The following KLF13 variants were observed in gnomAD, a reference collection of about 807,000 sequenced individuals.
KLF13 encodes the protein Krueppel-like factor 13.
KLF13 carries 8 observed loss-of-function variants against 16.7 expected under a neutral mutation model. That is an observed-to-expected ratio of 0.48 (90% confidence interval 0.28 to 0.87). The LOEUF (loss-of-function observed/expected upper bound fraction) is 0.87. KLF13 is among the 40% of genes least tolerant of loss of function. The pLI is 0.10. For missense variants in KLF13, 447 were observed against 452.2 expected, an observed-to-expected ratio of 0.99 and a Z score of 0.10; for synonymous variants, 245 against 208.4, an observed-to-expected ratio of 1.18 and a Z score of -1.51.
At chr15:31,417,933 A>C (rs2040274186) in intron 1 of KLF13, among the ~76,000 whole-genome samples, 1 of 152,206 alleles carries the variant, frequency 6.6e-6, no homozygotes, top group African/African-American at 2.4e-5. Flanking sequence ...AAGTGTATTA[A>C]AAACCTAACA....
chr15:31,423,306 A>G (rs1272348290), intron 1 of KLF13, among the ~76,000 whole-genome samples: 1 of 150,706 alleles, frequency 6.6e-6, no homozygotes, highest in Non-Finnish European at 1.5e-5. Flanking sequence ...TCAATAATGC[A>G]TAGAATAACC....
At chr15:31,386,924 T>C (rs1032636832) in intron 1 of KLF13, among the ~76,000 whole-genome samples, 2 of 152,226 alleles carry the variant, frequency 1.3e-5, no homozygotes, top group African/African-American at 4.8e-5. Flanking sequence ...TTACTGAATA[T>C]TTTTAAGCCC....
downstream of KLF13, among the ~76,000 whole-genome samples, chr15:31,379,899 C>T (rs1287809629): frequency 6.6e-6 from 1 of 152,156 alleles, no homozygotes; most frequent in African/African-American, 2.4e-5. Context: ...CTGTGTCTGG[C>T]TGCATAGTGA....
intron 1 of KLF13, among the ~76,000 whole-genome samples, chr15:31,329,973 C>T (rs2038798474): frequency 6.6e-6 from 1 of 152,132 alleles, no homozygotes; most frequent in African/African-American, 2.4e-5. Context: ...CCAGGTGACC[C>T]ATTATGAGAG....
chr15:31,417,130 A>G (rs946942757), intron 1 of KLF13, among the ~76,000 whole-genome samples: 1 of 152,224 alleles, frequency 6.6e-6, no homozygotes, highest in Non-Finnish European at 1.5e-5. Context: ...AAAGGCAATC[A>G]CAAGATGCTG....
At chr15:31,422,951 C>A (rs1294125287) in intron 1 of KLF13, among the ~76,000 whole-genome samples, 3 of 150,906 alleles carry the variant, frequency 2.0e-5, no homozygotes, top group African/African-American at 7.3e-5. Context: ...GCAGGAGAAT[C>A]ACTTGAACCT....
At chr15:31,407,320 AG>A (rs1490947765), downstream of KLF13, among the ~76,000 whole-genome samples, 1 of 152,176 alleles carries the variant, frequency 6.6e-6, no homozygotes, top group Non-Finnish European at 1.5e-5. Flanking sequence ...TCTATAAAAA[AG>A]AAGTAAAAAG....
At chr15:31,428,844 C>T (rs1332668272) in intron 1 of KLF13, among the ~76,000 whole-genome samples, 2 of 80,376 alleles carry the variant, frequency 2.5e-5, no homozygotes, top group Admixed American at 1.1e-4. Context: ...AAAAGAAATG[C>T]CACAGACCAA....
intron 1 of KLF13, among the ~76,000 whole-genome samples, chr15:31,366,729 C>CTCACTGTGTGCCCCCCTGTG (rs2039477648): frequency 2.7e-5 from 4 of 150,170 alleles, no homozygotes; most frequent in Non-Finnish European, 4.5e-5. Context: ...TGGCCCCTCA[C>CTCACTGTGTGCCCCCCTGTG]CTCACTGTGT....
At chr15:31,434,919 G>A (rs1223937007) in intron 1 of KLF13, among the ~76,000 whole-genome samples, 1 of 152,240 alleles carries the variant, frequency 6.6e-6, no homozygotes, top group Non-Finnish European at 1.5e-5. Context: ...CTAGACTGCA[G>A]ACACAAGTGC....
At chr15:31,332,704 G>T (rs2038854282) in intron 1 of KLF13, among the ~76,000 whole-genome samples, 1 of 152,228 alleles carries the variant, frequency 6.6e-6, no homozygotes, top group South Asian at 2.1e-4. Flanking sequence ...CTTAGATCCT[G>T]TGTGCTCCCA....
intron 1 of KLF13, among the ~76,000 whole-genome samples, chr15:31,344,786 TTGC>T (rs2039085073): frequency 6.6e-6 from 1 of 152,186 alleles, no homozygotes; most frequent in Admixed American, 6.5e-5. Flanking sequence ...GCTGGGAGGA[TTGC>T]TGGGTGGGGC....
chr15:31,405,664 T>C (rs2040118762), downstream of KLF13, among the ~76,000 whole-genome samples: 1 of 152,180 alleles, frequency 6.6e-6, no homozygotes. Flanking sequence ...GGGTACCCTC[T>C]GGTGAGGGCT....
Position 31,327,466 on chromosome 15 carries a change from AG to A in KLF13, c.257del (p.Gly86AlafsTer103). On this transcript the variant is annotated frameshift_variant, in exon 1 of 2. Transcript: ENST00000307145. LOFTEE classifies it high-confidence loss of function. ...GCGCCCGCCCCGGCGGAGCGCAGGG[AG>A]GGCGCCGCGGCCCGGAAGGCGAGGA... is the stretch of plus-strand genomic sequence containing the variant. Reference protein sequence around the residue: ...APAPAPAERREGAAARKARTP... With the variant: ...APAPAPAERRXGAAARKARTP... 9.1e-7 allele frequency: 1 copy of A among 1,097,408 alleles called. No homozygotes were observed. Among genetic ancestry groups the A allele is most frequent in the Non-Finnish European group, 1.1e-6 (1 of 902,578 alleles). 68.0% of individuals were successfully genotyped at this position (1,097,408 alleles called of 1,614,324 possible).
rs1305478458 is a variant in KLF13 at position 31,327,339 on chromosome 15, AC to A, written c.132del (p.Thr45ArgfsTer24). ...GCCCGAGGGCGCGGCCGTGGCCGCC[AC>A]CCCCACGCTGCCCCGCGTCGAGGAG... ...SRPEGAAVAA[T>X]PTLPRVEERR... On this transcript the variant is annotated frameshift_variant, in exon 1 of 2. Coordinates refer to ENST00000307145, the MANE Select transcript of KLF13 (RefSeq NM_015995.4). LOFTEE classifies it high-confidence loss of function. 7.8e-7 allele frequency: 1 copy of A among 1,274,268 alleles called. No individual in the cohort carries two copies. Among genetic ancestry groups the A allele is most frequent in the South Asian group, 2.4e-5 (1 of 41,602 alleles). The allele number at this position is 1,274,268 out of a possible 1,614,324, so 78.9% of individuals were successfully genotyped here. A position where few individuals can be genotyped will look rare whatever the true frequency, so the allele number is the denominator to read the frequency against.
intron 1 of KLF13, among the ~76,000 whole-genome samples, chr15:31,336,019 T>A (rs1214422190): frequency 6.6e-6 from 1 of 152,098 alleles, no homozygotes; most frequent in Non-Finnish European, 1.5e-5. Context: ...ACAGGCCAGG[T>A]GGGAGGAAGC....
chr15:31,429,501 AGATG>A (rs561243020), intron 1 of KLF13, among the ~76,000 whole-genome samples: 5 of 152,268 alleles, frequency 3.3e-5, no homozygotes, highest in African/African-American at 9.6e-5. Context: ...AGTGTTGTGG[AGATG>A]GATAGTGGTA....
chr15:31,342,525 C>T (rs749288920), intron 1 of KLF13, among the ~76,000 whole-genome samples: 23 of 152,292 alleles, frequency 1.5e-4, no homozygotes, highest in Admixed American at 2.0e-4. Context: ...TCAAGTGGGG[C>T]GAGCTCATCG....
At chr15:31,361,549 C>G (rs1028689530) in intron 1 of KLF13, among the ~76,000 whole-genome samples, 1 of 152,028 alleles carries the variant, frequency 6.6e-6, no homozygotes, top group African/African-American at 2.4e-5. Context: ...AAGGTCCCCC[C>G]CAGGAGACAC....
Sources: allele counts gnomAD v4.1 joint callset (sites outside exome capture counted in the v4.1 genomes callset), GRCh38; gene constraint gnomAD v4.1.1; transcripts MANE v1.5; gene names NCBI Gene and HGNC (gene_info 2026-07-23, HGNC 2026-07-21).